The following TULP4 variants were observed in gnomAD, a reference collection of about 807,000 sequenced individuals.
TULP4 encodes the protein tubby-related protein 4.
In TULP4, 16 loss-of-function variants were observed where a neutral mutation model predicts 129.0. That is an observed-to-expected ratio of 0.12 (90% CI 0.08 to 0.19). The LOEUF (loss-of-function observed/expected upper bound fraction) is 0.19. Ranked by LOEUF, TULP4 falls within the 10% of genes least tolerant of loss-of-function variation. TULP4 has a pLI of 1.00. For synonymous variants in TULP4, 998 were observed against 854.0 expected, an observed-to-expected ratio of 1.17 and a Z score of -2.94; for missense variants, 1,842 against 2,059.1, an observed-to-expected ratio of 0.89 and a Z score of 2.04.
intron 3 of TULP4, among the ~76,000 whole-genome samples, chr6:158,431,545 A>C (rs917207882): frequency 4.6e-5 from 7 of 152,266 alleles, no homozygotes; most frequent in African/African-American, 1.4e-4. Context: ...TTTGAGGTAC[A>C]ATTGGACCTG....
At chr6:158,261,685 C>G (rs1054657252) in intron 1 of TULP4, among the ~76,000 whole-genome samples, 3 of 152,148 alleles carry the variant, frequency 2.0e-5, no homozygotes, top group African/African-American at 7.2e-5. Context: ...GCGGCTCATA[C>G]AAAATGAATG....
rs141099387 is a variant in TULP4, at chr6:158,458,255, T to C, written c.860-3308T>C. Among the ~76,000 whole-genome samples, 4 of 152,352 alleles carry C rather than the reference T, an allele frequency of 2.6e-5. No individual in the cohort carries two copies. In the East Asian group the frequency reaches 7.7e-4, roughly 29 times the overall value. On this transcript the variant is annotated intron_variant, in intron 5 of 13. Coordinates refer to ENST00000367097, the MANE Select transcript of TULP4 (RefSeq NM_020245.5). Reference sequence around the variant, plus strand: ...CAAAAGAACTAAATTTTCACTGACTTCATATAACCTTCCAGACTTTTACCA... The same window carrying C: ...CAAAAGAACTAAATTTTCACTGACTCCATATAACCTTCCAGACTTTTACCA...
rs908360085 is a variant in TULP4 at position 158,507,726 on chromosome 6, A to G, written c.*1032A>G. On this transcript the variant is annotated 3_prime_UTR_variant, in exon 14 of 14. Coordinates refer to ENST00000367097, the MANE Select transcript of TULP4 (RefSeq NM_020245.5). The stretch of plus-strand genomic sequence containing the variant: ...TCTTTCCCATGAGATACCATGTTCT[A>G]TGCCTTCCCATTCTAAAAGTGTGGA... 1.3e-5 allele frequency: 2 copies of G among 152,200 alleles called. No homozygotes were observed. The highest frequency in any genetic ancestry group is 2.9e-5 in the Non-Finnish European group (2 of 68,030). 9.4% of individuals were successfully genotyped at this position (152,200 alleles called of 1,614,324 possible).
intron 4 of TULP4, among the ~76,000 whole-genome samples, chr6:158,451,511 T>G (rs144670172): frequency 3.9e-5 from 6 of 152,350 alleles, no homozygotes; most frequent in Non-Finnish European, 5.9e-5. Flanking sequence ...ACCAAGTCCA[T>G]GGTCCATCAT....
intron 3 of TULP4, among the ~76,000 whole-genome samples, chr6:158,440,299 C>G (rs1168471924): frequency 1.7e-5 from 2 of 119,178 alleles, no homozygotes; most frequent in East Asian, 2.5e-4. Context: ...GCCTGGATGA[C>G]AGAGTGAGTC....
At chr6:158,287,006 T>C (rs1233157001) in intron 1 of TULP4, among the ~76,000 whole-genome samples, 1 of 152,212 alleles carries the variant, frequency 6.6e-6, no homozygotes, top group Non-Finnish European at 1.5e-5. Context: ...CCAACAGATA[T>C]TTACTGAGTT....
intron 1 of TULP4, among the ~76,000 whole-genome samples, chr6:158,374,862 G>C (rs554743801): frequency 3.9e-5 from 6 of 152,214 alleles, no homozygotes; most frequent in Non-Finnish European, 8.8e-5. Context: ...GCTTATTAAG[G>C]ACATTTAAAA....
rs1780527841 is a variant in TULP4 at position 158,503,680 on chromosome 6, G to A, written c.4017G>A (p.Lys1339=). Residue 1339 remains lysine, a synonymous_variant, in exon 13 of 14, where the codon AAG becomes AAA. Transcript: ENST00000367097. The surrounding 1 kb of genome is among the most constrained non-coding windows in gnomAD (Gnocchi z 4.3). ...AAAAATTTGGAAAGAAGAACCGGAAGCGCCTGGACAGCCGAGCAGAAGAAG... is the reference window on the plus strand; with the variant it reads ...AAAAATTTGGAAAGAAGAACCGGAAACGCCTGGACAGCCGAGCAGAAGAAG... ...RTEKFGKKNR[K]RLDSRAEEGS... 1 of 1,613,974 alleles carries A rather than the reference G, an allele frequency of 6.2e-7. No homozygotes were observed.
chr6:158,387,786 T>G (rs1049827679), intron 1 of TULP4, among the ~76,000 whole-genome samples: 7 of 152,236 alleles, frequency 4.6e-5, no homozygotes, highest in African/African-American at 1.7e-4. Context: ...TACAACTGTT[T>G]CTGATGAGCA....
intron 1 of TULP4, among the ~76,000 whole-genome samples, chr6:158,348,172 G>GGT (rs1780359570): frequency 3.5e-5 from 2 of 56,562 alleles, no homozygotes; most frequent in African/African-American, 8.9e-5. Flanking sequence ...TTTTTTTTAA[G>GGT]GTTTTTTTTT....
At chr6:158,486,144 C>T (rs1378857771) in intron 8 of TULP4, among the ~76,000 whole-genome samples, 2 of 152,134 alleles carry the variant, frequency 1.3e-5, no homozygotes, top group Non-Finnish European at 2.9e-5. Flanking sequence ...TGTGCCCCCA[C>T]GTCACCCCCA....
At chr6:158,441,515 G>A (rs752864701) in intron 3 of TULP4, among the ~76,000 whole-genome samples, 5 of 152,190 alleles carry the variant, frequency 3.3e-5, no homozygotes, top group Non-Finnish European at 7.3e-5. Flanking sequence ...TAGCCAGATG[G>A]TGAACTACAA....
intron 1 of TULP4, among the ~76,000 whole-genome samples, chr6:158,270,078 A>G (rs1778519560): frequency 6.6e-6 from 1 of 152,228 alleles, no homozygotes; most frequent in African/African-American, 2.4e-5. Context: ...ATATACGTTA[A>G]TTCTACTCTG....
intron 1 of TULP4, among the ~76,000 whole-genome samples, chr6:158,239,454 T>C (rs1385920404): frequency 3.3e-3 from 87 of 26,548 alleles, no homozygotes; most frequent in East Asian, 7.0e-3. Context: ...GCTGGCCGGG[T>C]GGGGGGCTGA....
At chr6:158,467,982 G>T (rs1029311272) in intron 6 of TULP4, among the ~76,000 whole-genome samples, 3 of 152,228 alleles carry the variant, frequency 2.0e-5, no homozygotes, top group African/African-American at 7.2e-5. Flanking sequence ...GCTGCAGAGA[G>T]TCTGTCCCTT....
chr6:158,489,542 A>G (rs1184533041), intron 8 of TULP4, 46 bp from the exon 9 acceptor site: 2 of 1,611,104 alleles, frequency 1.2e-6, no homozygotes, highest in Non-Finnish European at 1.7e-6. Flanking sequence ...GGTAGGGGCT[A>G]ATTGATATAA....
chr6:158,426,972 T>G (rs1187174284), intron 2 of TULP4, among the ~76,000 whole-genome samples: 2 of 152,178 alleles, frequency 1.3e-5, no homozygotes, highest in Non-Finnish European at 2.9e-5. Context: ...ATTTTATTCT[T>G]TTTGTTTCAG....
At chr6:158,366,542 G>A (rs184530511) in intron 1 of TULP4, among the ~76,000 whole-genome samples, 3 of 152,238 alleles carry the variant, frequency 2.0e-5, no homozygotes, top group East Asian at 1.9e-4. Context: ...TTCGTGCTGC[G>A]TCATACTCGG....
intron 1 of TULP4, among the ~76,000 whole-genome samples, chr6:158,368,818 G>C (rs1187972659): frequency 6.6e-6 from 1 of 152,080 alleles, no homozygotes; most frequent in Non-Finnish European, 1.5e-5. Flanking sequence ...ACATACAGTT[G>C]TTGCCTATGG....
Sources: allele counts gnomAD v4.1 joint callset (sites outside exome capture counted in the v4.1 genomes callset), GRCh38; gene constraint gnomAD v4.1.1; non-coding constraint Gnocchi (gnomAD v3.1); transcripts MANE v1.5; gene names NCBI Gene and HGNC (gene_info 2026-07-23, HGNC 2026-07-21).